Variants in RNF212 observed in about 807,000 individuals in gnomAD.
The protein encoded by RNF212 is ring finger protein 212, also known as probable E3 SUMO-protein ligase RNF212.
In RNF212, 33 loss-of-function variants were observed where a neutral mutation model predicts 34.7. The observed-to-expected ratio is 0.95, with a 90% confidence interval of 0.72 to 1.27. The LOEUF (loss-of-function observed/expected upper bound fraction) is 1.27, where lower values mean the gene tolerates loss of function less well. RNF212 is among the 50% of genes most tolerant of loss of function. RNF212 has a pLI of 0.00. For missense variants in RNF212, 377 were observed against 362.2 expected (o/e 1.04, Z -0.33); for synonymous variants, 140 against 136.1 (o/e 1.03, Z -0.20).
chr4:1,059,345 CTG>C (rs1309218065), intron 3 of RNF212, among the ~76,000 whole-genome samples: 1 of 152,244 alleles, frequency 6.6e-6, no homozygotes, highest in Admixed American at 6.5e-5. Flanking sequence ...AGAAGGAAAG[CTG>C]TCTTACTAGG....
chr4:1,095,274 C>T (rs879244618), intron 3 of RNF212, among the ~76,000 whole-genome samples: 3 of 91,200 alleles, frequency 3.3e-5, no homozygotes, highest in Non-Finnish European at 2.0e-5. Context: ...ACCAAGCACA[C>T]CCCCCACAGC....
chr4:1,096,780 G>A lies in RNF212; in HGVS notation c.231C>T (p.Ser77=). ...CACAGCTCACCTGGGAGGTTTCCCT[G>A]GAGTACTTCTTACACAGACTGTCTA... ...MSIDSLCKKY[S]RETSQILEFQ... The change falls in exon 3 of 10, where the codon TCC becomes TCT. Residue 77 remains serine, a synonymous_variant. Transcript: ENST00000433731. 6.2e-7 allele frequency: 1 copy of A among 1,613,424 alleles called. No individual in the cohort carries two copies. Among genetic ancestry groups the A allele is most frequent in the Admixed American group, 1.7e-5 (1 of 60,030 alleles).
At chr4:1,056,980 G>A (rs992322671) in intron 4 of RNF212, 2 of 987,806 alleles carry the variant, frequency 2.0e-6, no homozygotes, top group Admixed American at 1.2e-4. Context: ...GGGGTCCCTT[G>A]TAGGGAATTT....
At chr4:1,098,985 C>G (rs1230872429) in intron 2 of RNF212, among the ~76,000 whole-genome samples, 1 of 152,136 alleles carries the variant, frequency 6.6e-6, no homozygotes, top group African/African-American at 2.4e-5. Context: ...GTGAGGGGGA[C>G]TGAGTCATTC....
chr4:1,062,921 C>G (rs1717843486), intron 3 of RNF212, among the ~76,000 whole-genome samples: 1 of 152,020 alleles, frequency 6.6e-6, no homozygotes, highest in African/African-American at 2.4e-5. Context: ...CAATGAAAAC[C>G]TGAAAATAAA....
intron 3 of RNF212, among the ~76,000 whole-genome samples, chr4:1,091,493 G>A (rs867885708): frequency 4.6e-5 from 7 of 152,194 alleles, no homozygotes; most frequent in South Asian, 4.1e-4. Flanking sequence ...TGGAAGGGCC[G>A]ACAGACAACA....
downstream of RNF212, among the ~76,000 whole-genome samples, chr4:1,071,269 CT>C (rs1456932056): frequency 6.6e-6 from 1 of 150,962 alleles, no homozygotes; most frequent in African/African-American, 2.4e-5. Context: ...TTTAAAAAAA[CT>C]AACTTGGTTT....
chr4:1,072,915 C>A lies in RNF212; in HGVS notation c.853G>T (p.Val285Leu). 3.1e-6 allele frequency: 5 copies of A among 1,613,592 alleles called. No individual in the cohort carries two copies. The South Asian group carries it at 3.3e-5, about 11-fold the overall frequency. The change falls in exon 10 of 10, where the codon GTG becomes TTG. Residue 285 changes from valine to leucine, a missense_variant. By Grantham distance (32) the Val-to-Leu change is conservative. Coordinates refer to ENST00000433731, the MANE Select transcript of RNF212 (RefSeq NM_001131034.4). ...DTFRTPAVSV[V>L]FPLCQFERKK... ...CTTTCAAATTGGCAAAGAGGAAACA[C>A]AACAGACACAGCGGGTGTTCTGAAC...
chr4:1,086,002 T>C (rs1210170355), intron 4 of RNF212, 48 bp from the exon 5 acceptor site: 1 of 1,310,994 alleles, frequency 7.6e-7, no homozygotes. Flanking sequence ...CTATGCTGAG[T>C]GACATGTGAC....
intron 2 of RNF212, among the ~76,000 whole-genome samples, chr4:1,097,684 C>T (rs746878154): frequency 6.6e-6 from 1 of 152,156 alleles, no homozygotes. Flanking sequence ...CACCTCTGGC[C>T]TTCCCTCACT....
intron 4 of RNF212, chr4:1,056,599 G>A (rs1339198087): frequency 1.8e-6 from 1 of 546,946 alleles, no homozygotes; most frequent in Non-Finnish European, 2.3e-6. Context: ...AAATTCAGAT[G>A]TCATCTTAGT....
chr4:1,067,207 T>C (rs951173817), downstream of RNF212, among the ~76,000 whole-genome samples: 13 of 152,172 alleles, frequency 8.5e-5, no homozygotes, highest in Non-Finnish European at 1.3e-4. Context: ...CATATGAATT[T>C]TGGGGGGACT....
chr4:1,105,757 G>A (rs555436931), intron 2 of RNF212, among the ~76,000 whole-genome samples: 5 of 152,392 alleles, frequency 3.3e-5, no homozygotes, highest in Middle Eastern at 3.4e-3. Flanking sequence ...TCCACCGCAG[G>A]TCAGGGTCAA....
chr4:1,070,054 TCA>T (rs1718348265), downstream of RNF212, among the ~76,000 whole-genome samples: 1 of 150,616 alleles, frequency 6.6e-6, no homozygotes, highest in African/African-American at 2.5e-5. Context: ...GACTATGCTG[TCA>T]GCGTGGACGC....
At chr4:1,076,690 A>C (rs1430476085) in intron 8 of RNF212, among the ~76,000 whole-genome samples, 1 of 152,214 alleles carries the variant, frequency 6.6e-6, no homozygotes, top group Non-Finnish European at 1.5e-5. Flanking sequence ...CATCCACTCC[A>C]GGGTGACAAG....
chr4:1,111,809 T>A (rs1398929833), intron 1 of RNF212, among the ~76,000 whole-genome samples: 1 of 152,232 alleles, frequency 6.6e-6, no homozygotes, highest in African/African-American at 2.4e-5. Flanking sequence ...TAGCATTATT[T>A]CTGCAGCCAA....
rs747133368 is a variant in RNF212 at position 1,072,875 on chromosome 4, C to T, written c.893G>A (p.Ter298=). ...CATTAATAGTCACATAAATGCAAAT[C>T]AAAATGACTTTTTCCTTTCAAATTG... ...LCQFERKKSF[*] is the part of the protein sequence containing the mutation. The change falls in exon 10 of 10, where the codon TGA becomes TAA. Residue 298 remains the stop codon, a stop_retained_variant. Coordinates refer to ENST00000433731, the MANE Select transcript of RNF212 (RefSeq NM_001131034.4). 1.3e-6 allele frequency: 2 copies of T among 1,592,248 alleles called. No homozygotes were observed. The highest frequency in any genetic ancestry group is 2.3e-5 in the East Asian group (1 of 44,208).
intron 3 of RNF212, chr4:1,093,614 G>C: frequency 6.5e-7 from 1 of 1,536,010 alleles, no homozygotes; most frequent in South Asian, 1.2e-5. Context: ...GGCTGGCCGG[G>C]TCTGCTGGGT....
At chr4:1,094,528 G>T (rs1722740352) in intron 3 of RNF212, among the ~76,000 whole-genome samples, 1 of 152,208 alleles carries the variant, frequency 6.6e-6, no homozygotes, top group Non-Finnish European at 1.5e-5. Context: ...AGCTGCCAGG[G>T]GAGGGGACCA....
Sources: gnomAD v4.1 joint callset for allele counts (sites outside exome capture counted in the v4.1 genomes callset) on GRCh38, gnomAD v4.1.1 for gene constraint, MANE v1.5 for transcripts, NCBI Gene and HGNC (gene_info 2026-07-23, HGNC 2026-07-21) for gene names.